MUC22: variants seen among roughly 807,000 people sequenced by gnomAD.
MUC22 encodes mucin 22.
Under a neutral mutation model 40.3 loss-of-function variants are expected in MUC22, and 24 were observed. That is an observed-to-expected ratio of 0.60 (90% confidence interval 0.43 to 0.84). The LOEUF is 0.84. MUC22 is among the 40% of genes least tolerant of loss of function. MUC22 has a pLI of 0.00. For synonymous variants in MUC22, 765 were observed against 844.5 expected, an observed-to-expected ratio of 0.91 and a Z score of 1.63; for missense variants, 1,926 against 2,130.7, an observed-to-expected ratio of 0.90 and a Z score of 1.89.
chr6:31,032,384 T>G lies in MUC22; in HGVS notation c.4858T>G (p.Ser1620Ala). 6.5e-7 allele frequency: 1 copy of G among 1,535,682 alleles called. No homozygotes were observed. The highest frequency in any genetic ancestry group is 1.4e-5 in the African/African-American group (1 of 73,152). Reference sequence around the variant, plus strand: ...CCACGGCGTCAGGACCACCACAGGATCCACCCGTGAGCCAACCAGCAGCAC... The same window carrying G: ...CCACGGCGTCAGGACCACCACAGGAGCCACCCGTGAGCCAACCAGCAGCAC... The change falls in exon 3 of 4, where the codon TCC becomes GCC. Residue 1620 changes from serine (S) to alanine (A), a missense_variant. Around this residue, in one of 3 missense-constraint regions of MUC22, gnomAD observed 610 missense variants for 714.6 expected, o/e 0.85. Transcript: ENST00000561890. The surrounding 1 kb of genome is among the most constrained non-coding windows in gnomAD (Gnocchi z 4.1).
At chr6:31,006,529 T>C (rs1581588368), upstream of MUC22, among the ~76,000 whole-genome samples, 1 of 152,064 alleles carries the variant, frequency 6.6e-6, no homozygotes, top group Non-Finnish European at 1.5e-5. Context: ...TCAAAACCCA[T>C]AGAATATACA....
exon 4 of MUC22, chr6:31,035,113 TG>T: frequency 1.4e-6 from 1 of 703,876 alleles, no homozygotes; most frequent in Non-Finnish European, 2.3e-6. Context: ...TCCCAGGATG[TG>T]ATCCATGGAG....
upstream of MUC22, among the ~76,000 whole-genome samples, chr6:31,008,639 C>T (rs1376939446): frequency 6.6e-6 from 1 of 151,378 alleles, no homozygotes; most frequent in Non-Finnish European, 1.5e-5. Flanking sequence ...ACCTCTGCCT[C>T]CCGGGTTCAA....
chr6:31,026,461 G>C, exon 2 of MUC22: 1 of 1,506,574 alleles, frequency 6.6e-7, no homozygotes, highest in Non-Finnish European at 8.9e-7. Flanking sequence ...TTCTATGGCA[G>C]GCTCTGAGAC....
chr6:31,018,588 T>C (rs117289309), intron 1 of MUC22, among the ~76,000 whole-genome samples: 1,830 of 152,380 alleles, frequency 0.012, 27 homozygotes, highest in Middle Eastern at 0.02. Context: ...TGTTTTGTTA[T>C]TTCTCTACTT....
chr6:31,024,789 G>A (rs1213535671), intron 1 of MUC22, among the ~76,000 whole-genome samples: 1 of 151,570 alleles, frequency 6.6e-6, no homozygotes, highest in African/African-American at 2.4e-5. Flanking sequence ...ATCACATCGA[G>A]CTCATTAACA....
In MUC22 at chr6:31,032,577, G is replaced by T. The variant is rs1411160930; in HGVS notation, c.5051G>T (p.Cys1684Phe). ...GGATTGTCAGTAGGACTGAGTTTTT[G>T]TCTGGTGAGTACCCAGGGTGGGTTC... is the stretch of plus-strand genomic sequence containing the variant. The change falls in exon 3 of 4, where the codon TGT (cysteine) becomes TTT (phenylalanine). Residue 1684 changes from cysteine (C) to phenylalanine (F), a missense_variant. Cys to Phe is a radical substitution (Grantham distance 205). Around this residue, in one of 3 missense-constraint regions of MUC22, gnomAD observed 610 missense variants for 714.6 expected, o/e 0.85. Transcript: ENST00000561890. This position sits in a 1 kb window ranked among gnomAD's most constrained non-coding sequence, Gnocchi z 4.1. The T allele has an allele frequency of 1.3e-6, 2 of 1,532,898 alleles. No homozygotes were observed. The highest frequency in any genetic ancestry group is 1.2e-5 in the South Asian group (1 of 83,580). 95.0% of individuals were successfully genotyped at this position (1,532,898 alleles called of 1,614,324 possible). A position where few individuals can be genotyped will look rare whatever the true frequency, so the allele number is the denominator to read the frequency against.
chr6:31,018,001 C>T (rs181853985), intron 1 of MUC22, among the ~76,000 whole-genome samples: 107 of 152,340 alleles, frequency 7.0e-4, no homozygotes, highest in African/African-American at 2.5e-3. Context: ...ATCACGAACC[C>T]ACCAGAAGAA....
At chr6:31,015,193 T>C (rs1250591010) in intron 1 of MUC22, among the ~76,000 whole-genome samples, 1 of 152,142 alleles carries the variant, frequency 6.6e-6, no homozygotes, top group Non-Finnish European at 1.5e-5. Flanking sequence ...GAGCTATGGC[T>C]CTGGAATGGT....
chr6:31,029,651 C>T (rs1431084210), exon 2 of MUC22: 2 of 1,535,566 alleles, frequency 1.3e-6, no homozygotes, highest in Admixed American at 3.9e-5. Context: ...GAGACCACCA[C>T]AGTCTCTACC....
intron 1 of MUC22, among the ~76,000 whole-genome samples, chr6:31,024,109 A>C (rs1765083201): frequency 6.6e-6 from 1 of 152,098 alleles, no homozygotes; most frequent in Non-Finnish European, 1.5e-5. Flanking sequence ...GGAAAATTCT[A>C]TAAAATAATT....
chr6:31,022,600 GTAA>G (rs891987425), intron 1 of MUC22, among the ~76,000 whole-genome samples: 4 of 151,944 alleles, frequency 2.6e-5, no homozygotes, highest in African/African-American at 4.8e-5. Context: ...ATATACTTGA[GTAA>G]TAATGAATTA....
intron 1 of MUC22, among the ~76,000 whole-genome samples, chr6:31,023,831 G>A (rs765322227): frequency 4.6e-5 from 7 of 152,068 alleles, no homozygotes; most frequent in Admixed American, 3.3e-4. Context: ...GGCTTAAGAA[G>A]AGGTATATTA....
intron 1 of MUC22, among the ~76,000 whole-genome samples, chr6:31,025,138 G>A (rs541604124): frequency 2.4e-4 from 37 of 152,282 alleles, no homozygotes; most frequent in African/African-American, 8.4e-4. Context: ...TTGAGCCACT[G>A]CGCCCAGCCC....
At position 31,026,716 on chromosome 6, in the gene MUC22, G is replaced by T. The variant is rs1221059113; in HGVS notation, c.1285G>T (p.Val429Phe). 11 of 1,503,644 alleles carry T rather than the reference G, an allele frequency of 7.3e-6. No individual in the cohort carries two copies. In the African/African-American group the frequency reaches 1.4e-4, roughly 19 times the overall value. 93.1% of individuals were successfully genotyped at this position (1,503,644 alleles called of 1,614,324 possible). The change falls in exon 2 of 4, where the codon GTC (valine) becomes TTC (phenylalanine). Residue 429 changes from valine (V) to phenylalanine (F), a missense_variant. Val to Phe is a conservative substitution (Grantham distance 50). Transcript: ENST00000561890. ...TACCACAGGCTCTGAGATGACCACA[G>T]TCTTCACTGCAGGCTCGGAAACCAT...
intron 1 of MUC22, among the ~76,000 whole-genome samples, chr6:31,022,481 T>G (rs1040229542): frequency 1.3e-5 from 2 of 152,046 alleles, no homozygotes; most frequent in African/African-American, 4.8e-5. Context: ...AATGTAAAAG[T>G]TCTTCAGGAA....
intron 1 of MUC22, among the ~76,000 whole-genome samples, chr6:31,022,433 A>C (rs1178671380): frequency 6.6e-6 from 1 of 152,092 alleles, no homozygotes; most frequent in Non-Finnish European, 1.5e-5. Context: ...CTGGGATTAC[A>C]GGCGTGAATC....
At chr6:31,019,838 A>G (rs972644197) in intron 1 of MUC22, among the ~76,000 whole-genome samples, 6 of 152,186 alleles carry the variant, frequency 3.9e-5, no homozygotes, top group Non-Finnish European at 8.8e-5. Flanking sequence ...TGGGTGACAG[A>G]GCAAGAAACT....
At chr6:31,022,448 G>A (rs76728547) in intron 1 of MUC22, among the ~76,000 whole-genome samples, 18,186 of 151,834 alleles carry the variant, frequency 0.12, 1,274 homozygotes, top group African/African-American at 0.17. Flanking sequence ...TGAATCGACA[G>A]GCAAGACTGA....
Sources: allele counts gnomAD v4.1 joint callset (sites outside exome capture counted in the v4.1 genomes callset), GRCh38; gene constraint gnomAD v4.1.1; regional missense constraint gnomAD v4.1.1; non-coding constraint Gnocchi (gnomAD v3.1); transcripts MANE v1.5; gene names NCBI Gene and HGNC (gene_info 2026-07-23, HGNC 2026-07-21).